Variants in PAK3 observed in about 807,000 individuals in gnomAD.
PAK3 encodes serine/threonine-protein kinase PAK 3.
PAK3 carries 4 observed loss-of-function variants against 41.0 expected under a neutral mutation model. The ratio of observed to expected loss-of-function variants is 0.10; its 90% CI spans 0.05 to 0.22. The LOEUF (loss-of-function observed/expected upper bound fraction) is 0.22. Among genes scored for constraint, PAK3 ranks in the 10% least tolerant of loss-of-function variants. PAK3 has a pLI of 1.00. For synonymous variants in PAK3, 146 were observed against 139.6 expected (o/e 1.05, Z -0.32); for missense variants, 205 against 409.9 (o/e 0.50, Z 4.32).
intron 11 of PAK3, among the ~76,000 whole-genome samples, chrX:111,186,442 A>G (rs2094511683): frequency 8.9e-6 from 1 of 111,833 alleles, no homozygotes; most frequent in Non-Finnish European, 1.9e-5. Context: ...ACTTCAGCAA[A>G]GTCTCAGGAT....
intron 1 of PAK3, among the ~76,000 whole-genome samples, chrX:111,044,198 A>G (rs1056432433): frequency 8.9e-6 from 1 of 112,095 alleles, no homozygotes; most frequent in Admixed American, 9.5e-5. Context: ...CCATGAAGTT[A>G]CTTGCCCAGA....
At chrX:111,123,918 G>A (rs781333564) in intron 5 of PAK3, among the ~76,000 whole-genome samples, 21 of 111,464 alleles carry the variant, frequency 1.9e-4, no homozygotes, top group Non-Finnish European at 3.2e-4. Flanking sequence ...GCTTTGTGAC[G>A]TGCAGGGATA....
intron 1 of PAK3, among the ~76,000 whole-genome samples, chrX:111,005,382 AC>A (rs1470264680): frequency 8.1e-5 from 9 of 111,684 alleles, no homozygotes; most frequent in African/African-American, 2.9e-4. Context: ...TGGAAACAGA[AC>A]AGATACATTG....
chrX:111,018,722 T>G lies in PAK3; in HGVS notation c.-28+74094T>G, dbSNP rs185487715. 7.2e-5 allele frequency among the ~76,000 whole-genome samples: 8 copies of G among 111,832 alleles called. No homozygotes were observed. The East Asian group carries it at 1.7e-3, about 24-fold the overall frequency. Reference sequence around the variant, plus strand: ...TTATCAAAACCCCAGTGACTTTTGTTGCAGAAATAGGAAAATCCATCCTAA... The same window carrying G: ...TTATCAAAACCCCAGTGACTTTTGTGGCAGAAATAGGAAAATCCATCCTAA... On this transcript the variant is annotated intron_variant, in intron 1 of 14. Transcript: ENST00000425146.
chrX:111,012,207 T>C (rs1302112008), intron 1 of PAK3, among the ~76,000 whole-genome samples: 2 of 112,023 alleles, frequency 1.8e-5, no homozygotes, highest in Non-Finnish European at 3.8e-5. Flanking sequence ...ATTGCTTGGC[T>C]GATATTCATA....
At chrX:111,215,495 G>C (rs1349880007) in intron 16 of PAK3, among the ~76,000 whole-genome samples, 1 of 110,515 alleles carries the variant, frequency 9.0e-6, no homozygotes, top group African/African-American at 3.3e-5. Context: ...AACTGAGATC[G>C]TGCCCCGCAC....
At chrX:111,154,661 T>C (rs748628922) in intron 8 of PAK3, among the ~76,000 whole-genome samples, 98 of 111,464 alleles carry the variant, frequency 8.8e-4, no homozygotes, top group African/African-American at 3.0e-3. Context: ...GAACAGAATA[T>C]GGCCCTCTCA....
intron 1 of PAK3, among the ~76,000 whole-genome samples, chrX:110,949,232 G>A (rs929493148): frequency 9.0e-6 from 1 of 111,285 alleles, no homozygotes; most frequent in Non-Finnish European, 1.9e-5. Flanking sequence ...TTTTAGCAGA[G>A]GGATAGGTTT....
intron 1 of PAK3, among the ~76,000 whole-genome samples, chrX:111,018,935 C>T (rs2092130795): frequency 9.0e-6 from 1 of 111,500 alleles, no homozygotes. Context: ...AATAAACCCT[C>T]ATTAGATGGT....
intron 10 of PAK3, 21 bp from the exon 11 acceptor site, chrX:111,172,997 C>G (rs1466605746): frequency 2.1e-6 from 2 of 953,941 alleles, no homozygotes; most frequent in South Asian, 3.9e-5. Context: ...CTCTTTTCTT[C>G]TCTCCCCACC....
chrX:110,996,871 A>G (rs1318953954), intron 1 of PAK3, among the ~76,000 whole-genome samples: 1 of 112,030 alleles, frequency 8.9e-6, no homozygotes, highest in Non-Finnish European at 1.9e-5. Context: ...CAGTCCAAGC[A>G]CATTAAGACA....
chrX:111,014,618 G>A (rs765234726), intron 1 of PAK3, among the ~76,000 whole-genome samples: 103 of 111,157 alleles, frequency 9.3e-4, no homozygotes, highest in Non-Finnish European at 1.8e-3. Flanking sequence ...TGTCCTTAAA[G>A]GAACCCTTTG....
At chrX:111,058,258 C>G in intron 1 of PAK3, among the ~76,000 whole-genome samples, 1 of 111,891 alleles carries the variant, frequency 8.9e-6, no homozygotes, top group Admixed American at 9.5e-5. Context: ...AACAGTTGAA[C>G]TGTTTCTGCA....
At chrX:111,093,434 G>A (rs1246508983), upstream of PAK3, among the ~76,000 whole-genome samples, 1 of 111,795 alleles carries the variant, frequency 8.9e-6, no homozygotes, top group Non-Finnish European at 1.9e-5. Context: ...TCCCAAGCAA[G>A]AGAACAGTGA....
rs1419521945 is a variant in PAK3 at position 111,224,174 on chromosome X, AC to A, written c.*3728del. On this transcript the variant is annotated 3_prime_UTR_variant, in exon 18 of 18. Coordinates refer to ENST00000372007, the MANE Select transcript of PAK3 (RefSeq NM_002578.5). Reference sequence around the variant, plus strand: ...GGTATGGCACACGCTTTCTTAGGAGACTATTATCTATAAGTTAAAGCTAGGG... The same window carrying A: ...GGTATGGCACACGCTTTCTTAGGAGATATTATCTATAAGTTAAAGCTAGGG... 9.0e-6 allele frequency: 1 copy of A among 111,043 alleles called. No homozygotes were observed. Among genetic ancestry groups the A allele is most frequent in the Non-Finnish European group, 1.9e-5 (1 of 52,975 alleles). 9.2% of individuals were successfully genotyped at this position (111,043 alleles called of 1,213,427 possible).
At chrX:111,048,615 T>C (rs2092524308) in intron 1 of PAK3, among the ~76,000 whole-genome samples, 1 of 111,769 alleles carries the variant, frequency 8.9e-6, no homozygotes, top group South Asian at 3.8e-4. Context: ...CTAAGCCTCA[T>C]TCTTGATCCT....
intron 1 of PAK3, among the ~76,000 whole-genome samples, chrX:111,059,140 GA>G (rs1472317218): frequency 2.8e-4 from 8 of 28,417 alleles, no homozygotes; most frequent in Non-Finnish European, 4.4e-4. Flanking sequence ...TTTTTTTTTT[GA>G]AAAAAAAGGC....
In PAK3 at chrX:111,196,874, G is replaced by A. The variant is rs1305257255; in HGVS notation, c.1407+234G>A. ...TCTTTCTTTTTTTTTTTTTTTTTTGGAGAAAGAATAACTACCCTTTTTTTC... is the reference window on the plus strand; with the variant it reads ...TCTTTCTTTTTTTTTTTTTTTTTTGAAGAAAGAATAACTACCCTTTTTTTC... On this transcript the variant is annotated intron_variant, in intron 16 of 17. Coordinates refer to ENST00000372007, the MANE Select transcript of PAK3 (RefSeq NM_002578.5). Among the ~76,000 whole-genome samples, 3 of 76,740 alleles carry A rather than the reference G, an allele frequency of 3.9e-5. No individual in the cohort carries two copies. The Admixed American group carries it at 4.1e-4, about 10-fold the overall frequency. 66.6% of individuals were successfully genotyped at this position (76,740 alleles called of 115,157 possible). A position where few individuals can be genotyped will look rare whatever the true frequency, so the allele number is the denominator to read the frequency against.
chrX:110,989,957 C>G (rs2091613770), intron 1 of PAK3, among the ~76,000 whole-genome samples: 2 of 112,441 alleles, frequency 1.8e-5, no homozygotes, highest in Admixed American at 1.9e-4. Context: ...TTCCCAATCT[C>G]AACTGAGGAT....
Sources: gnomAD v4.1 joint callset for allele counts (sites outside exome capture counted in the v4.1 genomes callset) on GRCh38, gnomAD v4.1.1 for gene constraint, MANE v1.5 for transcripts, NCBI Gene and HGNC (gene_info 2026-07-23, HGNC 2026-07-21) for gene names.